The following MAF variants were observed in gnomAD, a reference collection of about 807,000 sequenced individuals.
MAF encodes MAF bZIP transcription factor.
A neutral mutation model predicts 22.0 loss-of-function variants in MAF; 10 were observed. The observed-to-expected ratio is 0.45, with a 90% confidence interval of 0.28 to 0.77. The LOEUF is 0.77. MAF is among the 30% of genes least tolerant of loss of function. The probability of loss-of-function intolerance (pLI) is 0.12; values close to 1 mark genes in which losing one functional copy is unlikely to be tolerated. For missense variants in MAF, 544 were observed against 548.4 expected (o/e 0.99, Z 0.08); for synonymous variants, 337 against 255.8 (o/e 1.32, Z -3.03).
chr16:79,244,941 A>G, the MAF span, among the ~76,000 whole-genome samples: 1 of 152,088 alleles, frequency 6.6e-6, no homozygotes, highest in Non-Finnish European at 1.5e-5. Flanking sequence ...ATCTTTTACA[A>G]ACCTGGCAAA....
At chr16:79,252,579 T>C in the MAF span, among the ~76,000 whole-genome samples, 84 of 152,046 alleles carry the variant, frequency 5.5e-4, no homozygotes, top group African/African-American at 1.9e-3. Context: ...AACCGCAACC[T>C]CCTGGGTTCA....
At chr16:79,532,400 GA>G in the MAF span, among the ~76,000 whole-genome samples, 252 of 152,226 alleles carry the variant, frequency 1.7e-3, 2 homozygotes, top group African/African-American at 5.8e-3. Flanking sequence ...CTACATAAAA[GA>G]AAAAAAGTGA....
At chr16:79,481,109 G>T in the MAF span, among the ~76,000 whole-genome samples, 23 of 152,210 alleles carry the variant, frequency 1.5e-4, no homozygotes, top group African/African-American at 4.6e-4. Context: ...ATTCTGTTCT[G>T]TTCCCACTGG....
chr16:79,570,904 AT>A, the MAF span, among the ~76,000 whole-genome samples: 1 of 152,212 alleles, frequency 6.6e-6, no homozygotes, highest in Non-Finnish European at 1.5e-5. Context: ...GCCAGCTGGT[AT>A]TGGCACTTAA....
At chr16:79,238,093 C>T in the MAF span, among the ~76,000 whole-genome samples, 1 of 152,096 alleles carries the variant, frequency 6.6e-6, no homozygotes, top group Non-Finnish European at 1.5e-5. Context: ...CAGGCTTTGA[C>T]CTGCAGTCAT....
At chr16:79,513,676 AAAC>A in the MAF span, among the ~76,000 whole-genome samples, 2 of 152,204 alleles carry the variant, frequency 1.3e-5, no homozygotes, top group Non-Finnish European at 2.9e-5. Flanking sequence ...CATAAAATGG[AAAC>A]AATAAGCTTG....
chr16:79,598,524 C>T (rs929375489), intron 1 of MAF: 1 of 1,398,522 alleles, frequency 7.2e-7, no homozygotes. Context: ...AGCCAGACAC[C>T]CATTCCCTCC....
chr16:79,595,175 C>G, intron 1 of MAF: 3 of 1,040,444 alleles, frequency 2.9e-6, no homozygotes, highest in Non-Finnish European at 2.3e-6. Context: ...CACTTGACTT[C>G]AAGCTCATGA....
chr16:79,445,754 T>C, the MAF span, among the ~76,000 whole-genome samples: 4 of 152,178 alleles, frequency 2.6e-5, no homozygotes, highest in East Asian at 3.8e-4. Context: ...ATCCAGGAGG[T>C]AGTTCTGAAA....
chr16:79,321,527 C>T, the MAF span, among the ~76,000 whole-genome samples: 8 of 151,806 alleles, frequency 5.3e-5, no homozygotes, highest in East Asian at 1.9e-4. Context: ...GAGAAGGAGA[C>T]GGCTTAGCTG....
the MAF span, among the ~76,000 whole-genome samples, chr16:79,392,145 G>C: frequency 6.7e-6 from 1 of 148,626 alleles, no homozygotes; most frequent in Non-Finnish European, 1.5e-5. Flanking sequence ...CTGGGGAGGG[G>C]GAGAGAGAGT....
the MAF span, among the ~76,000 whole-genome samples, chr16:79,282,358 T>C: frequency 6.6e-6 from 1 of 152,106 alleles, no homozygotes. Context: ...AATTTCTCTT[T>C]TAACTTTGTG....
intron 1 of MAF, among the ~76,000 whole-genome samples, chr16:79,586,600 C>T (rs1912856699): frequency 6.6e-6 from 1 of 152,196 alleles, no homozygotes; most frequent in Non-Finnish European, 1.5e-5. Flanking sequence ...AATCTTTTTG[C>T]TTCACAGTGA....
chr16:79,276,843 C>G, the MAF span, among the ~76,000 whole-genome samples: 3 of 152,112 alleles, frequency 2.0e-5, no homozygotes, highest in Non-Finnish European at 4.4e-5. Flanking sequence ...AGTCTAAAAT[C>G]GAGGTGTCGG....
chr16:79,347,074 G>A, the MAF span, among the ~76,000 whole-genome samples: 2 of 152,170 alleles, frequency 1.3e-5, no homozygotes, highest in Non-Finnish European at 2.9e-5. Context: ...GCACCTAGTA[G>A]GGGATCTGGC....
At chr16:79,566,256 A>C in the MAF span, among the ~76,000 whole-genome samples, 1 of 152,210 alleles carries the variant, frequency 6.6e-6, no homozygotes, top group African/African-American at 2.4e-5. Context: ...GCATCAATAT[A>C]GGACACAGTT....
the MAF span, among the ~76,000 whole-genome samples, chr16:79,566,540 G>T: frequency 6.6e-6 from 1 of 152,236 alleles, no homozygotes; most frequent in African/African-American, 2.4e-5. Context: ...CTGGAGGGTT[G>T]ATCCTGGACA....
At chr16:79,461,927 G>A in the MAF span, among the ~76,000 whole-genome samples, 8 of 152,238 alleles carry the variant, frequency 5.3e-5, no homozygotes, top group South Asian at 4.2e-4. Flanking sequence ...CTGTCTAATA[G>A]GAGGTTGGAG....
the MAF span, among the ~76,000 whole-genome samples, chr16:79,360,332 T>C: frequency 6.6e-6 from 1 of 152,160 alleles, no homozygotes; most frequent in Non-Finnish European, 1.5e-5. Context: ...GCCTCCCAAA[T>C]GCCCTTAAAT....
Sources: allele counts gnomAD v4.1 joint callset (sites outside exome capture counted in the v4.1 genomes callset), GRCh38; gene constraint gnomAD v4.1.1; transcripts MANE v1.5; gene names NCBI Gene and HGNC (gene_info 2026-07-23, HGNC 2026-07-21).